The following NBEA variants were observed in gnomAD, a reference collection of about 807,000 sequenced individuals.
NBEA encodes the protein lysosomal-trafficking regulator 2.
In NBEA, 44 loss-of-function variants were observed where a neutral mutation model predicts 343.4. That is an observed-to-expected ratio of 0.13 (90% CI 0.10 to 0.16). The LOEUF is 0.16. Among genes scored for constraint, NBEA ranks in the 10% least tolerant of loss-of-function variants. The pLI is 1.00. For synonymous variants in NBEA, 1,175 were observed against 1,238.7 expected, an observed-to-expected ratio of 0.95 and a Z score of 1.08; for missense variants, 2,555 against 3,631.3, an observed-to-expected ratio of 0.70 and a Z score of 7.62.
At chr13:35,645,010 G>A (rs1411797082) in intron 49 of NBEA, among the ~76,000 whole-genome samples, 1 of 152,200 alleles carries the variant, frequency 6.6e-6, no homozygotes, top group African/African-American at 2.4e-5. Context: ...GGCAGATAAT[G>A]ATGCATTCAT....
chr13:35,240,033 G>A (rs1424984985), intron 34 of NBEA, among the ~76,000 whole-genome samples: 8 of 147,764 alleles, frequency 5.4e-5, no homozygotes, highest in East Asian at 2.2e-4. Context: ...AAGTAATTGC[G>A]ATTTTATTAG....
intron 36 of NBEA, among the ~76,000 whole-genome samples, chr13:35,313,711 T>C (rs1482268503): frequency 1.3e-5 from 2 of 152,090 alleles, no homozygotes; most frequent in African/African-American, 2.4e-5. Context: ...TTAATAAATA[T>C]GTGAAGGACA....
At chr13:35,378,100 T>C (rs1193429886) in intron 38 of NBEA, among the ~76,000 whole-genome samples, 1 of 152,176 alleles carries the variant, frequency 6.6e-6, no homozygotes, top group African/African-American at 2.4e-5. Context: ...ATTACTGTCT[T>C]GGGGAGAAAC....
At chr13:35,172,135 G>A (rs941783287) in intron 26 of NBEA, among the ~76,000 whole-genome samples, 8 of 151,994 alleles carry the variant, frequency 5.3e-5, no homozygotes, top group Non-Finnish European at 1.0e-4. Context: ...GCATGAAATA[G>A]GAAGGACGTT....
chr13:35,034,323 A>T (rs1350280985), intron 1 of NBEA, among the ~76,000 whole-genome samples: 1 of 151,834 alleles, frequency 6.6e-6, no homozygotes. Flanking sequence ...ATTGATTTGT[A>T]TATGTTGAAC....
At chr13:35,125,275 GT>G (rs1348715164) in intron 17 of NBEA, among the ~76,000 whole-genome samples, 3 of 152,166 alleles carry the variant, frequency 2.0e-5, no homozygotes, top group Non-Finnish European at 2.9e-5. Flanking sequence ...GGTAAAAGCT[GT>G]TAAGGCTAAA....
At chr13:35,110,046 T>C (rs2066112793) in intron 12 of NBEA, among the ~76,000 whole-genome samples, 1 of 121,234 alleles carries the variant, frequency 8.2e-6, no homozygotes, top group African/African-American at 3.1e-5. Flanking sequence ...TTTTTTTTTT[T>C]TTTTTAAATG....
At chr13:35,466,431 G>T (rs767484721) in intron 40 of NBEA, among the ~76,000 whole-genome samples, 1 of 152,170 alleles carries the variant, frequency 6.6e-6, no homozygotes, top group Non-Finnish European at 1.5e-5. Context: ...TTAAGGCATT[G>T]TATTCTATGA....
At chr13:35,263,877 A>T (rs2033436999) in intron 34 of NBEA, among the ~76,000 whole-genome samples, 1 of 151,986 alleles carries the variant, frequency 6.6e-6, no homozygotes, top group Admixed American at 6.6e-5. Flanking sequence ...GAAAAACGAG[A>T]AAACTAAGCA....
chr13:35,223,058 G>A (rs2074459118), intron 33 of NBEA, among the ~76,000 whole-genome samples: 1 of 152,158 alleles, frequency 6.6e-6, no homozygotes, highest in African/African-American at 2.4e-5. Flanking sequence ...TTAGAACCCG[G>A]GAGGCAGAGG....
intron 1 of NBEA, among the ~76,000 whole-genome samples, chr13:34,972,675 G>C (rs1007493263): frequency 9.9e-5 from 15 of 152,016 alleles, no homozygotes; most frequent in African/African-American, 2.9e-4. Context: ...ATTTGATTGC[G>C]CTGTGGTCTG....
intron 40 of NBEA, among the ~76,000 whole-genome samples, chr13:35,453,648 A>G (rs2046413027): frequency 6.6e-6 from 1 of 152,154 alleles, no homozygotes. Context: ...GCTAGCAGAG[A>G]TGTTTAATAA....
At chr13:34,982,317 A>G (rs1440260060) in intron 1 of NBEA, among the ~76,000 whole-genome samples, 2 of 150,632 alleles carry the variant, frequency 1.3e-5, no homozygotes, top group Non-Finnish European at 3.0e-5. Context: ...TTTTTTTGAG[A>G]TGAAGTCTCT....
chr13:35,377,357 C>A (rs562918640), intron 38 of NBEA, among the ~76,000 whole-genome samples: 3 of 152,280 alleles, frequency 2.0e-5, no homozygotes, highest in African/African-American at 7.2e-5. Flanking sequence ...CAATGAAGGA[C>A]TACATAGTCA....
At chr13:35,372,490 G>T (rs2041493166) in intron 38 of NBEA, among the ~76,000 whole-genome samples, 1 of 152,148 alleles carries the variant, frequency 6.6e-6, no homozygotes, top group Non-Finnish European at 1.5e-5. Context: ...CAAGTATCCT[G>T]GTGATACATG....
chr13:35,582,739 A>C (rs1468076143), intron 45 of NBEA, among the ~76,000 whole-genome samples: 2 of 152,166 alleles, frequency 1.3e-5, no homozygotes, highest in African/African-American at 4.8e-5. Context: ...TGCAAATAAG[A>C]GTTTATTATG....
chr13:35,114,965 G>A (rs1255289035), intron 13 of NBEA, among the ~76,000 whole-genome samples: 1 of 152,106 alleles, frequency 6.6e-6, no homozygotes, highest in Non-Finnish European at 1.5e-5. Context: ...AACTATTCAT[G>A]TGTAGGCACT....
At chr13:35,382,853 G>T (rs1172440865) in intron 38 of NBEA, among the ~76,000 whole-genome samples, 1 of 152,180 alleles carries the variant, frequency 6.6e-6, no homozygotes, top group Non-Finnish European at 1.5e-5. Context: ...CCCTAGTTTA[G>T]ACTTTTATGG....
chr13:35,502,059 C>T (rs2152981021), intron 41 of NBEA, among the ~76,000 whole-genome samples: 1 of 152,172 alleles, frequency 6.6e-6, no homozygotes, highest in South Asian at 2.1e-4. Flanking sequence ...TCAAACAATA[C>T]CACCTTGCCT....
Sources: allele counts gnomAD v4.1 joint callset (sites outside exome capture counted in the v4.1 genomes callset), GRCh38; gene constraint gnomAD v4.1.1; transcripts MANE v1.5; gene names NCBI Gene and HGNC (gene_info 2026-07-23, HGNC 2026-07-21).